The following PRKCH variants were observed in gnomAD, a reference collection of about 807,000 sequenced individuals.
The protein encoded by PRKCH is protein kinase C eta type.
Under a neutral mutation model 82.5 loss-of-function variants are expected in PRKCH, and 28 were observed. That is an observed-to-expected ratio of 0.34 (90% CI 0.25 to 0.47). The LOEUF (loss-of-function observed/expected upper bound fraction) is 0.47. Among genes scored for constraint, PRKCH ranks in the 20% least tolerant of loss-of-function variants. PRKCH has a pLI of 1.00. For synonymous variants in PRKCH, 322 were observed against 327.4 expected, an observed-to-expected ratio of 0.98 and a Z score of 0.18; for missense variants, 705 against 881.8, an observed-to-expected ratio of 0.80 and a Z score of 2.54.
chr14:61,443,067 G>A lies in PRKCH; in HGVS notation c.428-44G>A, dbSNP rs370998455. On this transcript the variant is annotated intron_variant, in intron 2 of 13. Transcript: ENST00000332981. ...CTTTCTCATCTATTAGGTGCGTTAG[G>A]TTCCTTACATCTTATTCTTTTTTTC... The A allele has an allele frequency of 9.5e-6, 15 of 1,575,682 alleles. No individual in the cohort carries two copies. In the African/African-American group the frequency reaches 1.5e-4, roughly 16 times the overall value.
chr14:61,355,611 A>G (rs576276230), intron 1 of PRKCH, among the ~76,000 whole-genome samples: 5 of 152,318 alleles, frequency 3.3e-5, no homozygotes, highest in African/African-American at 1.2e-4. Flanking sequence ...TTTTACTAAA[A>G]ATATACACTA....
intron 1 of PRKCH, among the ~76,000 whole-genome samples, chr14:61,352,557 G>C (rs1280907459): frequency 6.6e-6 from 1 of 151,858 alleles, no homozygotes; most frequent in Non-Finnish European, 1.5e-5. Context: ...CCAGCTACTC[G>C]GGAAGCTGAG....
intron 1 of PRKCH, among the ~76,000 whole-genome samples, chr14:61,343,351 C>CAAAA (rs57154047): frequency 1.1e-5 from 1 of 87,328 alleles, no homozygotes; most frequent in East Asian, 3.5e-4. Context: ...CCAGTTCCCT[C>CAAAA]AAAAAAAAAA....
At position 61,322,176 on chromosome 14, in the gene PRKCH, C is replaced by A. The variant is rs1227312933; in HGVS notation, c.75C>A (p.Thr25=). The part of the protein sequence containing the change: ...RIGEAVGLQP[T]RWSLRHSLFK... ...GTGAGGCAGTGGGGCTGCAGCCCAC[C>A]CGCTGGTCCCTGCGCCACTCGCTCT... The change falls in exon 1 of 14, where the codon ACC becomes ACA. Residue 25 remains threonine, a synonymous_variant. Transcript: ENST00000332981. The A allele has an allele frequency of 1.2e-6, 2 of 1,611,016 alleles. No individual in the cohort carries two copies. Among genetic ancestry groups the A allele is most frequent in the East Asian group, 4.5e-5 (2 of 44,632 alleles).
At chr14:61,513,655 A>G (rs2042779618) in intron 10 of PRKCH, among the ~76,000 whole-genome samples, 1 of 152,180 alleles carries the variant, frequency 6.6e-6, no homozygotes, top group Non-Finnish European at 1.5e-5. Context: ...AAATACATAT[A>G]AAACAGAAGA....
intron 1 of PRKCH, among the ~76,000 whole-genome samples, chr14:61,352,719 A>G (rs2046098525): frequency 6.6e-6 from 1 of 151,832 alleles, no homozygotes; most frequent in African/African-American, 2.4e-5. Context: ...AGAAAGAAAG[A>G]AAGAAAGAAA....
chr14:61,545,295 C>T (rs61992974), intron 12 of PRKCH: 6,742 of 152,344 alleles, frequency 0.044, 219 homozygotes, highest in Non-Finnish European at 0.066. Flanking sequence ...CTTGCCTTCC[C>T]ACCACCAGCC....
chr14:61,341,072 C>T (rs1433755999), intron 1 of PRKCH, among the ~76,000 whole-genome samples: 1 of 152,184 alleles, frequency 6.6e-6, no homozygotes, highest in African/African-American at 2.4e-5. Context: ...CATAAACTGC[C>T]TGGATGAGCT....
chr14:61,534,388 A>G (rs148109709), intron 12 of PRKCH, among the ~76,000 whole-genome samples: 9 of 152,360 alleles, frequency 5.9e-5, no homozygotes, highest in African/African-American at 2.2e-4. Context: ...TTGGCTGCAC[A>G]GGGCCAGATC....
chr14:61,528,973 C>CGTTTGTGTGT, intron 10 of PRKCH, 102 bp from the exon 11 acceptor site: 1 of 565,718 alleles, frequency 1.8e-6, no homozygotes, highest in Non-Finnish European at 2.6e-6. Flanking sequence ...TGTGGCCGCA[C>CGTTTGTGTGT]GTGTGTGTGT....
chr14:61,272,898 C>T (rs750655033), intron 1 of PRKCH, among the ~76,000 whole-genome samples: 3 of 152,168 alleles, frequency 2.0e-5, no homozygotes, highest in Non-Finnish European at 2.9e-5. Context: ...GGTCCCTCCT[C>T]TGGTTCCACA....
At chr14:61,293,294 A>G (rs564788554) in intron 1 of PRKCH, among the ~76,000 whole-genome samples, 2 of 152,326 alleles carry the variant, frequency 1.3e-5, no homozygotes, top group South Asian at 4.1e-4. Context: ...TCAAATGACC[A>G]TGGCAAGGGC....
At chr14:61,267,468 C>T (rs1255780169) in intron 1 of PRKCH, among the ~76,000 whole-genome samples, 1 of 152,136 alleles carries the variant, frequency 6.6e-6, no homozygotes, top group Admixed American at 6.5e-5. Context: ...TACATGTAGG[C>T]TTTGATCTCT....
intron 3 of PRKCH, among the ~76,000 whole-genome samples, chr14:61,445,229 G>A (rs1028461985): frequency 6.6e-6 from 1 of 152,254 alleles, no homozygotes; most frequent in Non-Finnish European, 1.5e-5. Context: ...GTGGACTCCA[G>A]GGGTGATATG....
intron 1 of PRKCH, among the ~76,000 whole-genome samples, chr14:61,221,208 G>C (rs369153825): frequency 6.6e-6 from 1 of 152,164 alleles, no homozygotes; most frequent in Admixed American, 6.5e-5. Flanking sequence ...ACGGGTTACC[G>C]AGAATGAGAA....
chr14:61,258,012 A>T (rs2045014681), intron 1 of PRKCH, among the ~76,000 whole-genome samples: 1 of 152,148 alleles, frequency 6.6e-6, no homozygotes, highest in Non-Finnish European at 1.5e-5. Flanking sequence ...TAACTGGAGA[A>T]GGCTGGCGAC....
intron 1 of PRKCH, among the ~76,000 whole-genome samples, chr14:61,240,257 C>T (rs773318405): frequency 6.6e-6 from 1 of 152,104 alleles, no homozygotes; most frequent in African/African-American, 2.4e-5. Flanking sequence ...AGGGAGGGAG[C>T]CTCCAAACAG....
chr14:61,490,071 G>A (rs916918205), intron 10 of PRKCH, among the ~76,000 whole-genome samples: 8 of 152,154 alleles, frequency 5.3e-5, no homozygotes, highest in African/African-American at 1.9e-4. Context: ...CATGCTTTTC[G>A]ACTCATGAGT....
chr14:61,548,311 C>T (rs1004096445), intron 13 of PRKCH, among the ~76,000 whole-genome samples: 2 of 152,246 alleles, frequency 1.3e-5, no homozygotes, highest in Non-Finnish European at 2.9e-5. Context: ...TTGCTCACTT[C>T]ACTGAGCCTG....
Sources: gnomAD v4.1 joint callset for allele counts (sites outside exome capture counted in the v4.1 genomes callset) on GRCh38, gnomAD v4.1.1 for gene constraint, MANE v1.5 for transcripts, NCBI Gene and HGNC (gene_info 2026-07-23, HGNC 2026-07-21) for gene names.